BTBD10: variants seen among roughly 807,000 people sequenced by gnomAD.
The protein encoded by BTBD10 is BTB/POZ domain-containing protein 10.
BTBD10 carries 21 observed loss-of-function variants against 53.2 expected under a neutral mutation model. That is an observed-to-expected ratio of 0.39 (90% CI 0.28 to 0.57). BTBD10 has a LOEUF of 0.57. Ranked by LOEUF, BTBD10 falls within the 20% of genes least tolerant of loss-of-function variation. The pLI is 0.53. For missense variants in BTBD10, 360 were observed against 594.7 expected, an observed-to-expected ratio of 0.61 and a Z score of 4.10; for synonymous variants, 149 against 192.7, an observed-to-expected ratio of 0.77 and a Z score of 1.88.
At chr11:13,395,628 A>C (rs1006867147) in intron 8 of BTBD10, among the ~76,000 whole-genome samples, 17 of 151,952 alleles carry the variant, frequency 1.1e-4, no homozygotes, top group African/African-American at 4.1e-4. Context: ...CTATGTCCTG[A>C]TTGGTATTGC....
In BTBD10 at chr11:13,413,701, C is replaced by A. The variant is rs373345430; in HGVS notation, c.688-51G>T. ...ATAAAATATCTGGAGCATAAGGTAG[C>A]CAAAACTTATTATTAAGGAAGGGCT... On this transcript the variant is annotated intron_variant, in intron 5 of 8. Transcript: ENST00000278174. The A allele has an allele frequency of 1.3e-5, 19 of 1,513,710 alleles. No individual in the cohort carries two copies. The South Asian group carries it at 2.2e-4, about 18-fold the overall frequency. The allele number at this position is 1,513,710 out of a possible 1,614,324, so 93.8% of individuals were successfully genotyped here. A position where few individuals can be genotyped will look rare whatever the true frequency, so the allele number is the denominator to read the frequency against.
chr11:13,452,571 T>C (rs976995347), intron 1 of BTBD10, among the ~76,000 whole-genome samples: 8 of 152,138 alleles, frequency 5.3e-5, no homozygotes, highest in African/African-American at 1.7e-4. Context: ...CACTGTCTCA[T>C]TACCATAGCA....
intron 3 of BTBD10, among the ~76,000 whole-genome samples, chr11:13,420,647 C>T (rs772403822): frequency 6.6e-5 from 10 of 152,126 alleles, no homozygotes; most frequent in African/African-American, 9.7e-5. Context: ...ATGACTCAAA[C>T]TACTTAGAAC....
At chr11:13,434,375 C>T (rs1369560089) in intron 2 of BTBD10, among the ~76,000 whole-genome samples, 2 of 152,060 alleles carry the variant, frequency 1.3e-5, no homozygotes, top group African/African-American at 2.4e-5. Flanking sequence ...AGTGTCTAAA[C>T]AAAGACCTAA....
chr11:13,410,524 C>T (rs1949919788), intron 6 of BTBD10, among the ~76,000 whole-genome samples: 1 of 152,116 alleles, frequency 6.6e-6, no homozygotes, highest in African/African-American at 2.4e-5. Flanking sequence ...ACATGAGCCC[C>T]ACGTCCAGGG....
intron 1 of BTBD10, among the ~76,000 whole-genome samples, chr11:13,452,915 T>C (rs1247798806): frequency 6.6e-6 from 1 of 152,214 alleles, no homozygotes; most frequent in Non-Finnish European, 1.5e-5. Context: ...ATTTTGTGTA[T>C]ATTTTATTAG....
chr11:13,427,991 G>A (rs971322635), intron 2 of BTBD10, among the ~76,000 whole-genome samples: 5 of 152,010 alleles, frequency 3.3e-5, no homozygotes, highest in Non-Finnish European at 5.9e-5. Context: ...ACAGTACTTA[G>A]GGGCAAATTA....
rs1213635338 is a variant in BTBD10, at chr11:13,411,803, G to T, written c.808+1727C>A. Among the ~76,000 whole-genome samples the T allele has an allele frequency of 3.3e-5, 5 of 151,598 alleles. No individual in the cohort carries two copies. The South Asian group carries it at 8.3e-4, about 25-fold the overall frequency. On this transcript the variant is annotated intron_variant, in intron 6 of 8. Transcript: ENST00000278174. ...AATAGACACAAAACTTGAAATCAGG[G>T]ATCTATAATGCTCATGGTTTCAACT... is the stretch of plus-strand genomic sequence containing the variant.
At chr11:13,436,054 T>G (rs1168893323) in intron 2 of BTBD10, among the ~76,000 whole-genome samples, 1 of 152,178 alleles carries the variant, frequency 6.6e-6, no homozygotes, top group Non-Finnish European at 1.5e-5. Flanking sequence ...GAACCTAAGT[T>G]TAGGAAAAAC....
At chr11:13,412,575 C>G (rs889963872) in intron 6 of BTBD10, among the ~76,000 whole-genome samples, 1 of 152,188 alleles carries the variant, frequency 6.6e-6, no homozygotes. Context: ...CCAAAGTATA[C>G]CTACTACATC....
intron 1 of BTBD10, among the ~76,000 whole-genome samples, chr11:13,457,608 A>G (rs1226120999): frequency 3.3e-5 from 5 of 152,228 alleles, no homozygotes; most frequent in Non-Finnish European, 5.9e-5. Flanking sequence ...AAAACAACTC[A>G]AAGTATAAAA....
At chr11:13,400,340 C>G in intron 8 of BTBD10, among the ~76,000 whole-genome samples, 1 of 152,238 alleles carries the variant, frequency 6.6e-6, no homozygotes, top group African/African-American at 2.4e-5. Flanking sequence ...GTAGGACCCT[C>G]AGAGCCAGGT....
chr11:13,417,931 G>C (rs947026178), intron 4 of BTBD10, among the ~76,000 whole-genome samples: 1 of 152,080 alleles, frequency 6.6e-6, no homozygotes, highest in African/African-American at 2.4e-5. Context: ...ATTTTTTCAA[G>C]TCATGTTGTT....
chr11:13,401,149 A>G (rs964913786), intron 8 of BTBD10, among the ~76,000 whole-genome samples: 2 of 147,858 alleles, frequency 1.4e-5, no homozygotes, highest in African/African-American at 4.9e-5. Flanking sequence ...CATTATATAT[A>G]TATACACACA....
rs138688134 is a variant in BTBD10 at position 13,441,887 on chromosome 11, T to C, written c.101+3137A>G. On this transcript the variant is annotated intron_variant, in intron 2 of 8. Transcript: ENST00000278174. ...AGTCTCCCTGATCCAGAGATGGCCA[T>C]ATGACATGATTCTAGCCAATGACTG... is the stretch of plus-strand genomic sequence containing the variant. Among the ~76,000 whole-genome samples the C allele has an allele frequency of 6.8e-3, 1,038 of 152,290 alleles. 17 individuals carry two copies. The highest frequency in any genetic ancestry group is 0.024 in the African/African-American group (990 of 41,578).
At chr11:13,392,576 T>C (rs1949437081) in intron 8 of BTBD10, among the ~76,000 whole-genome samples, 1 of 152,114 alleles carries the variant, frequency 6.6e-6, no homozygotes, top group African/African-American at 2.4e-5. Flanking sequence ...TTTTTTTAGC[T>C]TAGTTTGTTC....
chr11:13,431,076 A>G (rs1950440590), intron 2 of BTBD10, among the ~76,000 whole-genome samples: 1 of 151,980 alleles, frequency 6.6e-6, no homozygotes, highest in Admixed American at 6.6e-5. Flanking sequence ...AGAATACCAA[A>G]ATAGAAAACA....
At chr11:13,458,462 C>G (rs1951019309) in intron 1 of BTBD10, among the ~76,000 whole-genome samples, 1 of 152,212 alleles carries the variant, frequency 6.6e-6, no homozygotes, top group African/African-American at 2.4e-5. Flanking sequence ...CCCAAAAGCA[C>G]ATGCAACCCA....
At chr11:13,395,306 T>C in intron 8 of BTBD10, among the ~76,000 whole-genome samples, 1 of 152,206 alleles carries the variant, frequency 6.6e-6, no homozygotes, top group Non-Finnish European at 1.5e-5. Flanking sequence ...ATGATGAGCT[T>C]TTTTTCATGT....
Sources: gnomAD v4.1 joint callset for allele counts (sites outside exome capture counted in the v4.1 genomes callset) on GRCh38, gnomAD v4.1.1 for gene constraint, MANE v1.5 for transcripts, NCBI Gene and HGNC (gene_info 2026-07-23, HGNC 2026-07-21) for gene names.